The following KIAA1328 variants were observed in gnomAD, a reference collection of about 807,000 sequenced individuals.
The protein encoded by KIAA1328 is KIAA1328.
In KIAA1328, 52 loss-of-function variants were observed where a neutral mutation model predicts 68.1. That is an observed-to-expected ratio of 0.76 (90% confidence interval 0.61 to 0.96). The LOEUF (loss-of-function observed/expected upper bound fraction) is 0.96, where lower values mean the gene tolerates loss of function less well. Among genes scored for constraint, KIAA1328 ranks in the 40% least tolerant of loss-of-function variants. KIAA1328 has a pLI of 0.00. For missense variants in KIAA1328, 641 were observed against 677.6 expected, an observed-to-expected ratio of 0.95 and a Z score of 0.60; for synonymous variants, 232 against 239.4, an observed-to-expected ratio of 0.97 and a Z score of 0.28.
chr18:37,192,090 A>T (rs1050868739), intron 9 of KIAA1328, among the ~76,000 whole-genome samples: 14 of 151,918 alleles, frequency 9.2e-5, no homozygotes, highest in Non-Finnish European at 2.1e-4. Flanking sequence ...TCCTGTCCCC[A>T]CTGAAACAGC....
At chr18:36,948,953 G>T (rs1297075294) in intron 5 of KIAA1328, among the ~76,000 whole-genome samples, 1 of 152,192 alleles carries the variant, frequency 6.6e-6, no homozygotes, top group African/African-American at 2.4e-5. Flanking sequence ...CAACTTCACT[G>T]ATCAGCCTTT....
rs1052170125 is a variant in KIAA1328, at chr18:37,224,531, A to G, written c.*2304A>G. ...CAAGGGCAATAGGATGTAAATTTGT[A>G]TATAATCTAATGTCTTCATTATTAA... On this transcript the variant is annotated 3_prime_UTR_variant, in exon 10 of 10. Transcript: ENST00000280020. The G allele has an allele frequency of 6.4e-5, 63 of 979,322 alleles. No homozygotes were observed. Among genetic ancestry groups the G allele is most frequent in the Non-Finnish European group, 6.9e-5 (57 of 824,474 alleles). 60.7% of individuals were successfully genotyped at this position (979,322 alleles called of 1,614,324 possible).
chr18:36,961,340 T>C (rs915737128), intron 6 of KIAA1328, among the ~76,000 whole-genome samples: 2 of 152,130 alleles, frequency 1.3e-5, no homozygotes, highest in African/African-American at 2.4e-5. Context: ...CTACATTTGG[T>C]TGGTGTACCT....
At chr18:37,189,284 G>A (rs564834050) in intron 9 of KIAA1328, among the ~76,000 whole-genome samples, 2 of 152,262 alleles carry the variant, frequency 1.3e-5, no homozygotes, top group East Asian at 1.9e-4. Context: ...AGCAAATGTA[G>A]TAGGGAAAGC....
At chr18:37,173,357 G>C (rs1008365412) in intron 9 of KIAA1328, among the ~76,000 whole-genome samples, 1 of 152,128 alleles carries the variant, frequency 6.6e-6, no homozygotes, top group Non-Finnish European at 1.5e-5. Flanking sequence ...TAGCAGCAGG[G>C]CTTTCCTAAT....
rs2050085725 is a variant in KIAA1328 at position 36,925,625 on chromosome 18, C to T, written c.449-33683C>T. Reference sequence around the variant, plus strand: ...CATCAATGGCTCACTGCAACCTCAACCTCCTGGGCTCAAGCAATCCTCGCA... The same window carrying T: ...CATCAATGGCTCACTGCAACCTCAATCTCCTGGGCTCAAGCAATCCTCGCA... On this transcript the variant is annotated intron_variant, in intron 5 of 9. Transcript: ENST00000280020. Among the ~76,000 whole-genome samples the T allele has an allele frequency of 1.3e-5, 2 of 151,882 alleles. 1 individual carries two copies. Among genetic ancestry groups the T allele is most frequent in the South Asian group, 4.2e-4 (2 of 4,818 alleles).
intron 6 of KIAA1328, among the ~76,000 whole-genome samples, chr18:37,032,796 C>A (rs558434760): frequency 9.9e-5 from 15 of 152,230 alleles, no homozygotes; most frequent in African/African-American, 2.9e-4. Flanking sequence ...CATGTGCCAT[C>A]ATGCCCAGCT....
chr18:36,954,687 C>CTTTTTTTTT (rs35883053), intron 5 of KIAA1328, among the ~76,000 whole-genome samples: 2 of 121,072 alleles, frequency 1.7e-5, no homozygotes, highest in Non-Finnish European at 1.8e-5. Context: ...AAAGACTTCA[C>CTTTTTTTTT]TTTTTTTTTT....
chr18:37,193,467 A>G, intron 9 of KIAA1328: 1 of 629,556 alleles, frequency 1.6e-6, no homozygotes, highest in South Asian at 1.9e-5. Context: ...GTTGCTACCA[A>G]AAAGGTTAAG....
At position 37,078,316 on chromosome 18, in the gene KIAA1328, A is replaced by G. The variant is rs2056821645; in HGVS notation, c.1232+10771A>G. Among the ~76,000 whole-genome samples the G allele has an allele frequency of 2.0e-5, 3 of 152,304 alleles. No homozygotes were observed. In the South Asian group the frequency reaches 6.2e-4, roughly 32 times the overall value. ...GCTGGATCCCTTCCTTACACCTTATACAAAAATTAATTCAAGATGGATTAA... is the reference window on the plus strand; with the variant it reads ...GCTGGATCCCTTCCTTACACCTTATGCAAAAATTAATTCAAGATGGATTAA... On this transcript the variant is annotated intron_variant, in intron 7 of 9. Transcript: ENST00000280020.
chr18:37,014,972 G>A (rs374404275), intron 6 of KIAA1328, among the ~76,000 whole-genome samples: 5 of 151,972 alleles, frequency 3.3e-5, no homozygotes, highest in African/African-American at 1.2e-4. Flanking sequence ...GCACGATCTC[G>A]GCTCACTGCA....
At chr18:37,055,938 A>G (rs1404991401) in intron 6 of KIAA1328, among the ~76,000 whole-genome samples, 2 of 152,226 alleles carry the variant, frequency 1.3e-5, no homozygotes, top group Non-Finnish European at 1.5e-5. Context: ...TGTGGTGAAC[A>G]ACTCATAAAT....
At chr18:37,169,367 A>C (rs1299229893) in intron 8 of KIAA1328, among the ~76,000 whole-genome samples, 4 of 151,910 alleles carry the variant, frequency 2.6e-5, no homozygotes, top group Admixed American at 2.0e-4. Flanking sequence ...GGGTTTCACT[A>C]TGTTGGCCAG....
At chr18:37,003,288 A>C (rs976986565) in intron 6 of KIAA1328, among the ~76,000 whole-genome samples, 1 of 152,166 alleles carries the variant, frequency 6.6e-6, no homozygotes, top group Non-Finnish European at 1.5e-5. Context: ...TAGACAAAGA[A>C]TTTATGAATA....
intron 7 of KIAA1328, among the ~76,000 whole-genome samples, chr18:37,136,168 T>A (rs2154206949): frequency 6.6e-6 from 1 of 152,328 alleles, no homozygotes; most frequent in South Asian, 2.1e-4. Flanking sequence ...GGTCCTTACC[T>A]TGTATCTTCA....
At chr18:37,008,691 A>G (rs1431449309) in intron 6 of KIAA1328, among the ~76,000 whole-genome samples, 1 of 152,210 alleles carries the variant, frequency 6.6e-6, no homozygotes, top group Non-Finnish European at 1.5e-5. Flanking sequence ...AGTTCTCAGC[A>G]GAGAAATAGA....
chr18:37,052,925 G>A (rs1247174485), intron 6 of KIAA1328, among the ~76,000 whole-genome samples: 5 of 152,038 alleles, frequency 3.3e-5, no homozygotes, highest in East Asian at 1.9e-4. Flanking sequence ...TGCCCAAATC[G>A]ATTTATAGAT....
chr18:37,183,800 A>G (rs2059742659), intron 9 of KIAA1328, among the ~76,000 whole-genome samples: 1 of 152,222 alleles, frequency 6.6e-6, no homozygotes, highest in Admixed American at 6.5e-5. Context: ...AGCAAGTTTT[A>G]AGAGAAAATT....
At chr18:37,203,768 A>G (rs1336029103) in intron 9 of KIAA1328, among the ~76,000 whole-genome samples, 2 of 150,984 alleles carry the variant, frequency 1.3e-5, no homozygotes, top group African/African-American at 4.9e-5. Flanking sequence ...GGTCATACAT[A>G]TGCCCTCAGG....
Sources: gnomAD v4.1 joint callset for allele counts (sites outside exome capture counted in the v4.1 genomes callset) on GRCh38, gnomAD v4.1.1 for gene constraint, MANE v1.5 for transcripts, NCBI Gene and HGNC (gene_info 2026-07-23, HGNC 2026-07-21) for gene names.